CTNND2: variants seen among roughly 807,000 people sequenced by gnomAD.
CTNND2 encodes the protein catenin delta-2.
A neutral mutation model predicts 144.4 loss-of-function variants in CTNND2; 22 were observed. That is an observed-to-expected ratio of 0.15 (90% CI 0.11 to 0.22). CTNND2 has a LOEUF of 0.22. CTNND2 is among the 10% of genes least tolerant of loss of function. CTNND2 has a pLI of 1.00. For missense variants in CTNND2, 1,353 were observed against 1,618.8 expected, an observed-to-expected ratio of 0.84 and a Z score of 2.82; for synonymous variants, 751 against 695.6, an observed-to-expected ratio of 1.08 and a Z score of -1.25.
In CTNND2 at chr5:11,393,915, A is replaced by G. The variant is rs73742830; in HGVS notation, c.612+3116T>C. Among the ~76,000 whole-genome samples the G allele has an allele frequency of 8.7e-3, 1,319 of 152,140 alleles. 12 individuals carry two copies. Among genetic ancestry groups the G allele is most frequent in the African/African-American group, 0.03 (1,250 of 41,518 alleles). On this transcript the variant is annotated intron_variant, in intron 6 of 21. Coordinates refer to ENST00000304623, the MANE Select transcript of CTNND2 (RefSeq NM_001332.4). ...CCCAGTAAAAAAAGGAATCCTACCAATGACTGAGTGGTTTCCCATCACCTC... is the reference window on the plus strand; with the variant it reads ...CCCAGTAAAAAAAGGAATCCTACCAGTGACTGAGTGGTTTCCCATCACCTC...
At chr5:11,888,358 G>T (rs1736709539) in intron 1 of CTNND2, among the ~76,000 whole-genome samples, 1 of 152,160 alleles carries the variant, frequency 6.6e-6, no homozygotes, top group Non-Finnish European at 1.5e-5. Context: ...GTGACTGCGT[G>T]CACCCCATTC....
rs1303725475 is a variant in CTNND2 at position 11,634,022 on chromosome 5, C to T, written c.175-68966G>A. Among the ~76,000 whole-genome samples, 8 of 152,146 alleles carry T rather than the reference C, an allele frequency of 5.3e-5. 1 individual carries two copies. The highest frequency in any genetic ancestry group is 5.2e-4 in the Admixed American group (8 of 15,284). ...AATACCCAGTCAACAGAATCAGGCT[C>T]ATGCTTCTCCTGCACACAGCTCTCT... On this transcript the variant is annotated intron_variant, in intron 2 of 21. Coordinates refer to ENST00000304623, the MANE Select transcript of CTNND2 (RefSeq NM_001332.4).
At chr5:11,174,182 C>T (rs775279072) in intron 11 of CTNND2, among the ~76,000 whole-genome samples, 26 of 152,210 alleles carry the variant, frequency 1.7e-4, no homozygotes, top group Non-Finnish European at 3.4e-4. Flanking sequence ...GATGTGTTAA[C>T]GTTTGAGATT....
At chr5:11,371,193 A>G (rs6891903) in intron 7 of CTNND2, among the ~76,000 whole-genome samples, 10,730 of 152,282 alleles carry the variant, frequency 0.07, 757 homozygotes, top group East Asian at 0.24. Context: ...CCTGTACTCT[A>G]TGATAGTTGA....
intron 10 of CTNND2, among the ~76,000 whole-genome samples, chr5:11,220,893 A>G (rs1457042098): frequency 6.6e-6 from 1 of 152,232 alleles, no homozygotes; most frequent in Non-Finnish European, 1.5e-5. Context: ...GAGAGCCTGT[A>G]TAGATCCACA....
At chr5:11,195,246 T>C (rs777931133) in intron 11 of CTNND2, among the ~76,000 whole-genome samples, 6 of 152,142 alleles carry the variant, frequency 3.9e-5, no homozygotes, top group Non-Finnish European at 8.8e-5. Flanking sequence ...TAGAAAATAT[T>C]CCTGAGAAAA....
chr5:11,752,297 AT>A (rs1561764031), intron 1 of CTNND2, among the ~76,000 whole-genome samples: 1 of 151,802 alleles, frequency 6.6e-6, no homozygotes, highest in Non-Finnish European at 1.5e-5. Context: ...CTGGAATACA[AT>A]TTCCTAGGTT....
chr5:11,494,964 C>T (rs1471103914), intron 3 of CTNND2, among the ~76,000 whole-genome samples: 1 of 152,198 alleles, frequency 6.6e-6, no homozygotes, highest in African/African-American at 2.4e-5. Context: ...AATATCCTTT[C>T]ACCAATGCCA....
rs368016443 is a variant in CTNND2 at position 11,334,842 on chromosome 5, G to A, written c.1628+11530C>T. ...CCCAAACTAAGGACCCTCCGGTATG[G>A]AATTTTAAACAATAAACACATTCAA... is the stretch of plus-strand genomic sequence containing the variant. On this transcript the variant is annotated intron_variant, in intron 9 of 21. Coordinates refer to ENST00000304623, the MANE Select transcript of CTNND2 (RefSeq NM_001332.4). Among the ~76,000 whole-genome samples, 12 of 152,306 alleles carry A rather than the reference G, an allele frequency of 7.9e-5. No individual in the cohort carries two copies. In the South Asian group the frequency reaches 1.5e-3, roughly 18 times the overall value.
At chr5:11,593,890 G>A (rs1256069356) in intron 2 of CTNND2, among the ~76,000 whole-genome samples, 2 of 145,776 alleles carry the variant, frequency 1.4e-5, no homozygotes, top group African/African-American at 5.1e-5. Flanking sequence ...GTACTCATTA[G>A]AATGATTAAA....
intron 9 of CTNND2, among the ~76,000 whole-genome samples, chr5:11,294,830 C>T (rs189111696): frequency 2.6e-5 from 4 of 152,138 alleles, no homozygotes; most frequent in Non-Finnish European, 4.4e-5. Flanking sequence ...ATGGACGTAT[C>T]TCAAAATAAT....
intron 3 of CTNND2, among the ~76,000 whole-genome samples, chr5:11,425,057 C>G (rs1762669932): frequency 6.6e-6 from 1 of 152,224 alleles, no homozygotes; most frequent in Non-Finnish European, 1.5e-5. Flanking sequence ...GAAAACTCAT[C>G]CATTATGTGT....
intron 9 of CTNND2, among the ~76,000 whole-genome samples, chr5:11,296,975 A>C (rs1749090522): frequency 6.6e-6 from 1 of 152,198 alleles, no homozygotes; most frequent in Admixed American, 6.5e-5. Flanking sequence ...CTAAAACTTA[A>C]AGTATAATAA....
At chr5:11,555,709 TA>T (rs56958940) in intron 3 of CTNND2, among the ~76,000 whole-genome samples, 13 of 150,430 alleles carry the variant, frequency 8.6e-5, no homozygotes, top group East Asian at 2.0e-4. Context: ...AGAATTAAAA[TA>T]AAAAAAAACA....
intron 1 of CTNND2, among the ~76,000 whole-genome samples, chr5:11,840,802 A>G (rs1459501195): frequency 6.6e-6 from 1 of 152,194 alleles, no homozygotes; most frequent in Non-Finnish European, 1.5e-5. Context: ...TAAATTTTAA[A>G]ATAAGAAATA....
intron 9 of CTNND2, among the ~76,000 whole-genome samples, chr5:11,264,711 C>T (rs1261241717): frequency 6.6e-6 from 1 of 152,116 alleles, no homozygotes; most frequent in Non-Finnish European, 1.5e-5. Flanking sequence ...AGGCGGTTGG[C>T]CTGAGCTCAG....
intron 2 of CTNND2, among the ~76,000 whole-genome samples, chr5:11,667,264 T>A (rs191991482): frequency 6.6e-6 from 1 of 152,164 alleles, no homozygotes; most frequent in Non-Finnish European, 1.5e-5. Flanking sequence ...TGATTTATAA[T>A]CCTTTGGGTA....
intron 9 of CTNND2, among the ~76,000 whole-genome samples, chr5:11,289,033 C>T (rs1483403846): frequency 6.6e-6 from 1 of 152,252 alleles, no homozygotes; most frequent in East Asian, 1.9e-4. Context: ...CTGACATGAT[C>T]AGTCTCAGCT....
chr5:11,849,868 C>A (rs984151119), intron 1 of CTNND2, among the ~76,000 whole-genome samples: 1 of 152,134 alleles, frequency 6.6e-6, no homozygotes, highest in African/African-American at 2.4e-5. Flanking sequence ...CCCAGAATGG[C>A]TGAGTAGGAA....
Sources: gnomAD v4.1 joint callset for allele counts (sites outside exome capture counted in the v4.1 genomes callset) on GRCh38, gnomAD v4.1.1 for gene constraint, MANE v1.5 for transcripts, NCBI Gene and HGNC (gene_info 2026-07-23, HGNC 2026-07-21) for gene names.